OR2L3: variants seen among roughly 807,000 people sequenced by gnomAD.
OR2L3 encodes olfactory receptor 2L3.
For missense variants in OR2L3, 369 were observed against 376.6 expected (o/e 0.98, Z 0.17); for synonymous variants, 131 against 139.1 (o/e 0.94, Z 0.41).
chr1:248,055,409 T>G lies in OR2L3; in HGVS notation c.-21-5252T>G, dbSNP rs368606983. ...TATTGGCACAAAGTTTTCTTTTTTT[T>G]TTGTTATGTCTCTGCTGGGTTTTGG... On this transcript the variant is annotated intron_variant, in intron 1 of 1. Transcript: ENST00000359959. Among the ~76,000 whole-genome samples the G allele has an allele frequency of 2.6e-5, 4 of 152,096 alleles. No homozygotes were observed. In the East Asian group the frequency reaches 7.7e-4, roughly 29 times the overall value.
rs142506345 is a variant in OR2L3, at chr1:248,059,012, ATATT to A, written c.-21-1643_-21-1640del. On this transcript the variant is annotated intron_variant, in intron 1 of 1. Coordinates refer to ENST00000359959, the MANE Select transcript of OR2L3 (RefSeq NM_001004687.2). ...GTTGCATCCTTTCAGATAGCAAATG[ATATT>A]TATTTCACAGATTTCGTAACATATC... Among the ~76,000 whole-genome samples the A allele has an allele frequency of 5.0e-3, 765 of 152,298 alleles. 8 individuals are homozygous for A. The highest frequency in any genetic ancestry group is 0.017 in the African/African-American group (726 of 41,570).
rs770048423 is a variant in OR2L3 at position 248,060,950 on chromosome 1, C to T, written c.269C>T (p.Ser90Phe). Residue 90 changes from serine (S) to phenylalanine (F), a missense_variant, in exon 2 of 2, where the codon TCT becomes TTT. Ser to Phe is a radical substitution (Grantham distance 155, BLOSUM62 -2). Transcript: ENST00000359959. ...TCTGATTTTCTGTCTGGTAACAAGT[C>T]TATCTCCTTCACTGGGTGTGGGATT... ...MASDFLSGNK[S>F]ISFTGCGIQS... 20 of 1,613,880 alleles carry T rather than the reference C, an allele frequency of 1.2e-5. No individual in the cohort carries two copies. Among genetic ancestry groups the T allele is most frequent in the Non-Finnish European group, 1.5e-5 (18 of 1,179,918 alleles).
intron 1 of OR2L3, among the ~76,000 whole-genome samples, chr1:248,057,932 C>G (rs1275932060): frequency 1.3e-5 from 2 of 152,024 alleles, no homozygotes; most frequent in African/African-American, 4.8e-5. Flanking sequence ...AATTTTAGTT[C>G]TTTCTTTTGA....
chr1:248,054,844 G>A (rs945633857), intron 1 of OR2L3, among the ~76,000 whole-genome samples: 7 of 152,192 alleles, frequency 4.6e-5, no homozygotes, highest in African/African-American at 1.7e-4. Flanking sequence ...CCTTTGGGCT[G>A]AGTCAGTCTG....
chr1:248,060,510 T>A (rs1663587493), intron 1 of OR2L3, among the ~76,000 whole-genome samples, 151 bp from the exon 2 acceptor site: 1 of 152,158 alleles, frequency 6.6e-6, no homozygotes. Flanking sequence ...AAAATTAAAC[T>A]TTATCAGAAG....
intron 1 of OR2L3, among the ~76,000 whole-genome samples, chr1:248,057,860 TTTTA>T (rs1423109970): frequency 1.3e-5 from 2 of 152,216 alleles, no homozygotes; most frequent in Non-Finnish European, 2.9e-5. Flanking sequence ...ATTTTGCTAA[TTTTA>T]TTTATTATTT....
intron 1 of OR2L3, among the ~76,000 whole-genome samples, chr1:248,049,271 G>T (rs1350359480): frequency 6.6e-6 from 1 of 152,068 alleles, no homozygotes; most frequent in Non-Finnish European, 1.5e-5. Flanking sequence ...ACTAAATTAG[G>T]CTACTTTCTT....
At chr1:248,054,967 AAC>A (rs1378004945) in intron 1 of OR2L3, among the ~76,000 whole-genome samples, 1 of 152,198 alleles carries the variant, frequency 6.6e-6, no homozygotes, top group Non-Finnish European at 1.5e-5. Flanking sequence ...CATACCTTCC[AAC>A]ACTACATTGA....
chr1:248,062,413 G>T lies in OR2L3; in HGVS notation c.*793G>T, dbSNP rs1050648149. ...AGTTTTGCCAGCACCTTATATTGAA[G>T]ACACTGTCTTTTTCCCAATGAACAG... On this transcript the variant is annotated 3_prime_UTR_variant, in exon 2 of 2. Transcript: ENST00000359959. 6.6e-6 allele frequency: 1 copy of T among 151,532 alleles called. No individual in the cohort carries two copies. The highest frequency in any genetic ancestry group is 2.1e-4 in the South Asian group (1 of 4,806). 9.4% of individuals were successfully genotyped at this position (151,532 alleles called of 1,614,324 possible).
At chr1:248,055,437 G>A (rs1663403351) in intron 1 of OR2L3, among the ~76,000 whole-genome samples, 1 of 152,056 alleles carries the variant, frequency 6.6e-6, no homozygotes, top group South Asian at 2.1e-4. Context: ...GGTTTTGGAA[G>A]CAGGATGATG....
At chr1:248,048,923 CTT>C (rs140115140) in intron 1 of OR2L3, among the ~76,000 whole-genome samples, 38 of 141,656 alleles carry the variant, frequency 2.7e-4, no homozygotes, top group Admixed American at 9.2e-4. Context: ...TTCTCTCTCT[CTT>C]TTTTTTTTTT....
intron 1 of OR2L3, among the ~76,000 whole-genome samples, chr1:248,050,033 T>C (rs1572698326): frequency 6.6e-6 from 1 of 152,186 alleles, no homozygotes; most frequent in South Asian, 2.1e-4. Context: ...GTTATTTTGA[T>C]GAACTCCAAT....
chr1:248,055,994 G>T (rs888066637), intron 1 of OR2L3: 1 of 152,218 alleles, frequency 6.6e-6, no homozygotes, highest in Non-Finnish European at 1.5e-5. Context: ...CTGGTTCAGT[G>T]TTGGGAAGGT....
chr1:248,048,392 T>G (rs1663149775), intron 1 of OR2L3, among the ~76,000 whole-genome samples: 1 of 152,196 alleles, frequency 6.6e-6, no homozygotes, highest in Admixed American at 6.5e-5. Context: ...TTATGTACTG[T>G]GTCTCTTCTT....
In OR2L3 at chr1:248,061,529, T is replaced by G; in HGVS notation, c.848T>G (p.Met283Arg). The G allele has an allele frequency of 1.2e-6, 2 of 1,613,842 alleles. No homozygotes were observed. Among genetic ancestry groups the G allele is most frequent in the Non-Finnish European group, 1.7e-6 (2 of 1,179,884 alleles). The part of the protein sequence containing the change: ...LAVFYTTLTP[M>R]LNPIIYSLRN... ...GTCTTCTACACCACCCTCACTCCAA[T>G]GCTCAACCCCATCATCTATAGCCTG... is the stretch of plus-strand genomic sequence containing the variant. Residue 283 changes from methionine to arginine, a missense_variant, in exon 2 of 2, where the codon ATG (methionine) becomes AGG (arginine). Coordinates refer to ENST00000359959, the MANE Select transcript of OR2L3 (RefSeq NM_001004687.2).
intron 1 of OR2L3, among the ~76,000 whole-genome samples, chr1:248,050,305 G>A (rs1663220211): frequency 6.6e-6 from 1 of 151,662 alleles, no homozygotes; most frequent in Non-Finnish European, 1.5e-5. Flanking sequence ...TTCTTAATAG[G>A]CTAAAATACC....
chr1:248,050,943 G>A (rs1385742367), intron 1 of OR2L3, among the ~76,000 whole-genome samples: 1 of 152,056 alleles, frequency 6.6e-6, no homozygotes, highest in Non-Finnish European at 1.5e-5. Context: ...TTTAAAAAAT[G>A]TATTTGGAAA....
chr1:248,047,820 T>C (rs1663127125), intron 1 of OR2L3, among the ~76,000 whole-genome samples: 1 of 152,130 alleles, frequency 6.6e-6, no homozygotes, highest in Non-Finnish European at 1.5e-5. Context: ...ATGCTGGCAA[T>C]GATAATGATG....
chr1:248,060,343 A>C (rs1374031707), intron 1 of OR2L3, among the ~76,000 whole-genome samples: 1 of 152,180 alleles, frequency 6.6e-6, no homozygotes, highest in Non-Finnish European at 1.5e-5. Context: ...CTCTTTCAAA[A>C]TAGGTAAGAA....
Sources: allele counts gnomAD v4.1 joint callset (sites outside exome capture counted in the v4.1 genomes callset), GRCh38; gene constraint gnomAD v4.1.1; transcripts MANE v1.5; gene names NCBI Gene and HGNC (gene_info 2026-07-23, HGNC 2026-07-21).